KCNMA1: variants seen among roughly 807,000 people sequenced by gnomAD.
KCNMA1 encodes the protein Calcium-activated potassium channel subunit alpha-1.
A neutral mutation model predicts 140.0 loss-of-function variants in KCNMA1; 29 were observed. The ratio of observed to expected loss-of-function variants is 0.21; its 90% CI spans 0.15 to 0.28. The LOEUF (loss-of-function observed/expected upper bound fraction) is 0.28. KCNMA1 is among the 10% of genes least tolerant of loss of function. The pLI, the probability that KCNMA1 is intolerant of heterozygous loss-of-function variation, is 1.00. For missense variants in KCNMA1, 880 were observed against 1,602.2 expected, an observed-to-expected ratio of 0.55 and a Z score of 7.70; for synonymous variants, 612 against 611.9, an observed-to-expected ratio of 1.00 and a Z score of 0.00.
chr10:77,124,263 GT>G (rs2097687217), intron 5 of KCNMA1, among the ~76,000 whole-genome samples: 1 of 152,178 alleles, frequency 6.6e-6, no homozygotes, highest in African/African-American at 2.4e-5. Context: ...AAACGATGGT[GT>G]TTGTATCGTA....
chr10:76,970,944 T>C (rs1446460257), intron 19 of KCNMA1: 1 of 152,256 alleles, frequency 6.6e-6, no homozygotes, highest in Non-Finnish European at 1.5e-5. Flanking sequence ...CACAGCACAC[T>C]CTACTGCTCT....
At chr10:76,938,390 C>T (rs966563669) in intron 23 of KCNMA1, among the ~76,000 whole-genome samples, 3 of 152,196 alleles carry the variant, frequency 2.0e-5, no homozygotes, top group African/African-American at 7.2e-5. Flanking sequence ...TCCATGCAGA[C>T]TGTTTTGCAT....
chr10:77,483,910 A>G (rs1183644217), intron 1 of KCNMA1, among the ~76,000 whole-genome samples: 1 of 152,196 alleles, frequency 6.6e-6, no homozygotes, highest in Non-Finnish European at 1.5e-5. Flanking sequence ...TCAGGAAACC[A>G]CACTGAGTTT....
rs1169838049 is a variant in KCNMA1 at position 76,920,020 on chromosome 10, G to GTATATATATATATATATATATATA, written c.2903-4995_2903-4972dup. Reference sequence around the variant, plus strand: ...TGTGTGTGTGTGTGTGTGTGTGTGTGTATATATATATATATATATATATAT... The same window carrying GTATATATATATATATATATATATA: ...TGTGTGTGTGTGTGTGTGTGTGTGTGTATATATATATATATATATATATATATATATATATATATATATATATAT... On this transcript the variant is annotated intron_variant, in intron 23 of 27. Coordinates refer to ENST00000286628, the MANE Select transcript of KCNMA1 (RefSeq NM_001161352.2). Among the ~76,000 whole-genome samples, 22 of 34,424 alleles carry GTATATATATATATATATATATATA rather than the reference G, an allele frequency of 6.4e-4. 1 individual carries two copies. Among genetic ancestry groups the GTATATATATATATATATATATATA allele is most frequent in the East Asian group, 2.6e-3 (2 of 770 alleles). 22.6% of individuals were successfully genotyped at this position (34,424 alleles called of 152,430 possible). A position where few individuals can be genotyped will look rare whatever the true frequency, so the allele number is the denominator to read the frequency against.
chr10:77,408,887 T>C (rs2096556267), intron 1 of KCNMA1, among the ~76,000 whole-genome samples: 1 of 152,156 alleles, frequency 6.6e-6, no homozygotes, highest in African/African-American at 2.4e-5. Context: ...AGGCCACAGC[T>C]GCCTCTCAGT....
chr10:77,108,552 G>A lies in KCNMA1; in HGVS notation c.1152C>T (p.Val384=). The part of the protein sequence containing the change: ...LGGLAMFASY[V]PEIIELIGNR... ...TTCCTATTAACTCTATGATTTCAGG[G>A]ACGTAGCTGGCAAACATGGCCTGAG... The change falls in exon 9 of 28, where the codon GTC becomes GTT. Residue 384 remains valine (V), a synonymous_variant. Coordinates refer to ENST00000286628, the MANE Select transcript of KCNMA1 (RefSeq NM_001161352.2). This position sits in a 1 kb window ranked among gnomAD's most constrained non-coding sequence, Gnocchi z 4.6. 1 of 1,613,632 alleles carries A rather than the reference G, an allele frequency of 6.2e-7. No individual in the cohort carries two copies. Among genetic ancestry groups the A allele is most frequent in the Non-Finnish European group, 8.5e-7 (1 of 1,179,838 alleles).
chr10:77,044,395 C>G (rs558537001), intron 14 of KCNMA1, among the ~76,000 whole-genome samples: 1 of 152,100 alleles, frequency 6.6e-6, no homozygotes. Context: ...TTAGCCACAC[C>G]TGTATCCCAG....
chr10:77,148,295 G>A (rs1186371722), intron 5 of KCNMA1: 4 of 152,200 alleles, frequency 2.6e-5, no homozygotes, highest in East Asian at 3.9e-4. Flanking sequence ...TTGTGCCAGC[G>A]GCTTTGAATA....
At chr10:77,590,528 C>T (rs960868881) in intron 1 of KCNMA1, among the ~76,000 whole-genome samples, 1 of 152,250 alleles carries the variant, frequency 6.6e-6, no homozygotes, top group Non-Finnish European at 1.5e-5. Context: ...CGCGCTGGCC[C>T]GCAAGCACCG....
At chr10:77,309,842 C>G (rs1230870275) in intron 2 of KCNMA1, among the ~76,000 whole-genome samples, 6 of 152,194 alleles carry the variant, frequency 3.9e-5, no homozygotes, top group Admixed American at 2.6e-4. Flanking sequence ...GTCCCACAGC[C>G]TCTCTGGTCT....
chr10:77,577,174 G>A (rs1017712845), intron 1 of KCNMA1, among the ~76,000 whole-genome samples: 1 of 151,668 alleles, frequency 6.6e-6, no homozygotes, highest in Non-Finnish European at 1.5e-5. Flanking sequence ...AGCCTCCCGA[G>A]TGGCTGGGAT....
chr10:77,564,337 C>T (rs1406839345), intron 1 of KCNMA1, among the ~76,000 whole-genome samples: 2 of 152,158 alleles, frequency 1.3e-5, no homozygotes, highest in Non-Finnish European at 2.9e-5. Flanking sequence ...CTTTGGGAGG[C>T]CGAGGCGGAC....
intron 2 of KCNMA1, among the ~76,000 whole-genome samples, chr10:77,382,171 A>G (rs1295221685): frequency 6.6e-6 from 1 of 152,028 alleles, no homozygotes; most frequent in Non-Finnish European, 1.5e-5. Flanking sequence ...ACCACCGAGT[A>G]AGCCTTCTGC....
chr10:76,942,469 T>C (rs1170542711), intron 23 of KCNMA1, among the ~76,000 whole-genome samples: 1 of 152,178 alleles, frequency 6.6e-6, no homozygotes, highest in African/African-American at 2.4e-5. Flanking sequence ...GCCCTTTTTT[T>C]CTTTGGAGGA....
chr10:77,207,409 G>C (rs2044503678), intron 3 of KCNMA1, among the ~76,000 whole-genome samples: 1 of 152,208 alleles, frequency 6.6e-6, no homozygotes, highest in African/African-American at 2.4e-5. Context: ...GAAACCTTCT[G>C]AGGTGTTCTT....
At chr10:76,948,360 G>A (rs548743521) in intron 22 of KCNMA1, among the ~76,000 whole-genome samples, 37 of 152,276 alleles carry the variant, frequency 2.4e-4, no homozygotes, top group African/African-American at 8.9e-4. Flanking sequence ...TGGAGGATAA[G>A]TGAGATTTGC....
intron 2 of KCNMA1, among the ~76,000 whole-genome samples, chr10:77,319,010 C>T (rs1317899571): frequency 6.6e-6 from 1 of 152,166 alleles, no homozygotes; most frequent in Non-Finnish European, 1.5e-5. Context: ...ATGCCTCAAG[C>T]AATTGAGCAC....
intron 5 of KCNMA1, among the ~76,000 whole-genome samples, chr10:77,137,860 C>T (rs910756120): frequency 6.6e-6 from 1 of 152,150 alleles, no homozygotes; most frequent in Non-Finnish European, 1.5e-5. Flanking sequence ...CAGCTCACTA[C>T]AGCCTCGACC....
At chr10:77,264,675 T>C (rs1487339134) in intron 2 of KCNMA1, among the ~76,000 whole-genome samples, 1 of 152,194 alleles carries the variant, frequency 6.6e-6, no homozygotes, top group East Asian at 1.9e-4. Context: ...GCTTACTGCA[T>C]GGTTTTTCCA....
Sources: allele counts gnomAD v4.1 joint callset (sites outside exome capture counted in the v4.1 genomes callset), GRCh38; gene constraint gnomAD v4.1.1; non-coding constraint Gnocchi (gnomAD v3.1); transcripts MANE v1.5; gene names NCBI Gene and HGNC (gene_info 2026-07-23, HGNC 2026-07-21).